The following KIFAP3 variants were observed in gnomAD, a reference collection of about 807,000 sequenced individuals.
KIFAP3 encodes the protein kinesin associated protein 3, also known as kinesin-associated protein 3.
A neutral mutation model predicts 106.5 loss-of-function variants in KIFAP3; 68 were observed. That is an observed-to-expected ratio of 0.64 (90% confidence interval 0.53 to 0.78). KIFAP3 has a LOEUF of 0.78. Among genes scored for constraint, KIFAP3 ranks in the 30% least tolerant of loss-of-function variants. The pLI, the probability that KIFAP3 is intolerant of heterozygous loss-of-function variation, is 0.00. For synonymous variants in KIFAP3, 320 were observed against 311.5 expected (o/e 1.03, Z -0.29); for missense variants, 780 against 941.8 (o/e 0.83, Z 2.25).
intron 1 of KIFAP3, among the ~76,000 whole-genome samples, chr1:170,065,132 T>A (rs750605922): frequency 5.6e-4 from 85 of 152,224 alleles, no homozygotes; most frequent in Non-Finnish European, 2.9e-5. Flanking sequence ...GAAATACTCC[T>A]CTGTAGTTTT....
At chr1:170,053,225 G>A (rs911298179) in intron 2 of KIFAP3, among the ~76,000 whole-genome samples, 2 of 152,094 alleles carry the variant, frequency 1.3e-5, no homozygotes, top group African/African-American at 4.8e-5. Flanking sequence ...GCCAAATCAT[G>A]AGCGAACTTC....
intron 3 of KIFAP3, among the ~76,000 whole-genome samples, chr1:170,042,903 C>G (rs1002718026): frequency 1.3e-5 from 2 of 152,200 alleles, no homozygotes; most frequent in Non-Finnish European, 2.9e-5. Flanking sequence ...TCCAACCCAG[C>G]AATCCCTTTT....
chr1:169,982,711 G>T lies in KIFAP3; in HGVS notation c.1663C>A (p.Leu555Ile), dbSNP rs1452402848. ...AATACTTAGCACAAACCTGGTTTTAGTTTATCCTTGAGGTATGGAACCAAC... is the reference window on the plus strand; with the variant it reads ...AATACTTAGCACAAACCTGGTTTTATTTTATCCTTGAGGTATGGAACCAAC... The part of the protein sequence containing the change: ...YKLVPYLKDK[L>I]KPGAAEDDLV... Residue 555 changes from leucine to isoleucine, a missense_variant, in exon 14 of 20, where the codon CTA becomes ATA. By Grantham distance (5) the Leu-to-Ile change is conservative. Transcript: ENST00000361580. 1 of 1,580,184 alleles carries T rather than the reference G, an allele frequency of 6.3e-7. No individual in the cohort carries two copies. Among genetic ancestry groups the T allele is most frequent in the Non-Finnish European group, 8.6e-7 (1 of 1,162,156 alleles).
intron 19 of KIFAP3, among the ~76,000 whole-genome samples, chr1:169,942,368 C>T (rs544484646): frequency 1.2e-4 from 18 of 152,138 alleles, no homozygotes; most frequent in Non-Finnish European, 2.5e-4. Flanking sequence ...TTCCACTTGC[C>T]CTCCCCTGGC....
At chr1:170,049,901 T>C (rs1053683152) in intron 2 of KIFAP3, among the ~76,000 whole-genome samples, 1 of 143,674 alleles carries the variant, frequency 7.0e-6, no homozygotes, top group Non-Finnish European at 1.5e-5. Context: ...AGCGCAAAAA[T>C]GCTGAAAATC....
chr1:170,029,086 T>C (rs1382769734), intron 8 of KIFAP3, among the ~76,000 whole-genome samples: 3 of 151,912 alleles, frequency 2.0e-5, no homozygotes, highest in Non-Finnish European at 4.4e-5. Flanking sequence ...CAAGAAGAAG[T>C]AGATTAACAT....
rs901710658 is a variant in KIFAP3, at chr1:170,012,304, G to A, written c.1183+4158C>T. On this transcript the variant is annotated intron_variant, in intron 10 of 19. Coordinates refer to ENST00000361580, the MANE Select transcript of KIFAP3 (RefSeq NM_014970.4). ...GGCCATTTAGCAAGGAGAAATCCTT[G>A]GGCATGGTAATAATATTTATGGCCC... Among the ~76,000 whole-genome samples, 5 of 152,000 alleles carry A rather than the reference G, an allele frequency of 3.3e-5. No individual in the cohort carries two copies. In the East Asian group the frequency reaches 9.7e-4, roughly 29 times the overall value.
intron 10 of KIFAP3, among the ~76,000 whole-genome samples, chr1:170,013,121 A>G (rs1668325712): frequency 6.6e-6 from 1 of 152,112 alleles, no homozygotes; most frequent in Admixed American, 6.6e-5. Context: ...ACCGGGAAGC[A>G]GGCCATCCCC....
intron 19 of KIFAP3, among the ~76,000 whole-genome samples, chr1:169,935,356 T>G (rs1027455757): frequency 6.6e-6 from 1 of 152,064 alleles, no homozygotes; most frequent in Non-Finnish European, 1.5e-5. Flanking sequence ...AGCCACTTGA[T>G]ACTGTCTACA....
chr1:170,003,857 C>A (rs1437437563), intron 10 of KIFAP3, among the ~76,000 whole-genome samples: 1 of 151,642 alleles, frequency 6.6e-6, no homozygotes, highest in Non-Finnish European at 1.5e-5. Context: ...AAGTTCTGGC[C>A]AGGGCAATCA....
At chr1:169,992,980 A>G (rs1667174577) in intron 10 of KIFAP3, among the ~76,000 whole-genome samples, 1 of 152,188 alleles carries the variant, frequency 6.6e-6, no homozygotes, top group Non-Finnish European at 1.5e-5. Context: ...AAAGTTGCCT[A>G]ACTAAAAATT....
chr1:169,924,775 G>A lies in KIFAP3; in HGVS notation c.2274-2994C>T, dbSNP rs138929592. Among the ~76,000 whole-genome samples the A allele has an allele frequency of 4.8e-4, 73 of 152,244 alleles. No homozygotes were observed. In the Middle Eastern group the frequency reaches 0.017, roughly 35 times the overall value. Reference sequence around the variant, plus strand: ...TAATGCTGAGTTTAGTTCAAAACCCGGAGAGTTTTCCTTTAAACAGAAGCA... The same window carrying A: ...TAATGCTGAGTTTAGTTCAAAACCCAGAGAGTTTTCCTTTAAACAGAAGCA... On this transcript the variant is annotated intron_variant, in intron 19 of 19. Coordinates refer to ENST00000361580, the MANE Select transcript of KIFAP3 (RefSeq NM_014970.4).
At chr1:170,069,840 A>AT (rs869177222) in intron 1 of KIFAP3, among the ~76,000 whole-genome samples, 8 of 151,100 alleles carry the variant, frequency 5.3e-5, no homozygotes, top group Admixed American at 4.6e-4. Context: ...ATGGGAAAAA[A>AT]AAATAAAAAG....
At chr1:170,023,663 T>C (rs545938342) in intron 9 of KIFAP3, among the ~76,000 whole-genome samples, 1 of 152,194 alleles carries the variant, frequency 6.6e-6, no homozygotes, top group Admixed American at 6.5e-5. Context: ...GACTACATTA[T>C]TGTACATAAC....
Position 169,981,986 on chromosome 1 carries a change from A to G in KIFAP3, c.1784T>C (p.Ile595Thr), listed in dbSNP as rs1198032953. ...AGGTTATTTACCATTTAGCAATTCA[A>G]TGAGTGCAGGGATTATGCCAGATTT... ...LAKSGIIPAL[I>T]ELLNAQQEDD... The change falls in exon 15 of 20, where the codon ATT becomes ACT. Residue 595 changes from isoleucine (I) to threonine (T), a missense_variant. Coordinates refer to ENST00000361580, the MANE Select transcript of KIFAP3 (RefSeq NM_014970.4). 3.7e-6 allele frequency: 6 copies of G among 1,612,462 alleles called. No individual in the cohort carries two copies. Among genetic ancestry groups the G allele is most frequent in the Non-Finnish European group, 1.7e-6 (2 of 1,178,894 alleles).
chr1:169,948,886 T>C (rs1280777600), intron 19 of KIFAP3, among the ~76,000 whole-genome samples: 3 of 152,006 alleles, frequency 2.0e-5, no homozygotes, highest in East Asian at 1.9e-4. Context: ...CAATGCCTTT[T>C]AGACAGAGAA....
intron 6 of KIFAP3, among the ~76,000 whole-genome samples, chr1:170,035,104 T>G (rs1430671766): frequency 6.6e-6 from 1 of 151,982 alleles, no homozygotes; most frequent in African/African-American, 2.4e-5. Flanking sequence ...CATACATGCA[T>G]ATATATAACA....
chr1:169,921,567 C>A lies in KIFAP3; in HGVS notation c.*109G>T. Reference sequence around the variant, plus strand: ...AACAACATATAAAAATAAAAACAAACACAGACCCACAATAACATCAACATG... The same window carrying A: ...AACAACATATAAAAATAAAAACAAAAACAGACCCACAATAACATCAACATG... On this transcript the variant is annotated 3_prime_UTR_variant, in exon 20 of 20. Coordinates refer to ENST00000361580, the MANE Select transcript of KIFAP3 (RefSeq NM_014970.4). 1.3e-6 allele frequency: 1 copy of A among 794,330 alleles called. No individual in the cohort carries two copies. The highest frequency in any genetic ancestry group is 2.3e-5 in the Admixed American group (1 of 42,898). The allele number at this position is 794,330 out of a possible 1,614,324, so 49.2% of individuals were successfully genotyped here.
chr1:170,030,445 T>A (rs1669341331), intron 8 of KIFAP3, among the ~76,000 whole-genome samples: 1 of 151,828 alleles, frequency 6.6e-6, no homozygotes, highest in African/African-American at 2.4e-5. Context: ...AACATACACC[T>A]ATCCTATGAC....
Sources: gnomAD v4.1 joint callset for allele counts (sites outside exome capture counted in the v4.1 genomes callset) on GRCh38, gnomAD v4.1.1 for gene constraint, MANE v1.5 for transcripts, NCBI Gene and HGNC (gene_info 2026-07-23, HGNC 2026-07-21) for gene names.